TATDN1: variants seen among roughly 807,000 people sequenced by gnomAD.
TATDN1 encodes TatD DNase domain containing 1.
A neutral mutation model predicts 46.4 loss-of-function variants in TATDN1; 40 were observed. The ratio of observed to expected loss-of-function variants is 0.86; its 90% CI spans 0.67 to 1.12. The LOEUF is 1.12. TATDN1 is among the 50% of genes most tolerant of loss of function. The pLI is 0.00. For synonymous variants in TATDN1, 95 were observed against 105.6 expected, an observed-to-expected ratio of 0.90 and a Z score of 0.62; for missense variants, 326 against 348.4, an observed-to-expected ratio of 0.94 and a Z score of 0.51.
At chr8:124,529,271 A>G (rs1295252448) in intron 1 of TATDN1, among the ~76,000 whole-genome samples, 1 of 152,202 alleles carries the variant, frequency 6.6e-6, no homozygotes, top group East Asian at 1.9e-4. Flanking sequence ...TCCCGCAACA[A>G]TGTGACTAAT....
At chr8:124,510,464 A>T (rs1427216130) in intron 6 of TATDN1, among the ~76,000 whole-genome samples, 1 of 152,216 alleles carries the variant, frequency 6.6e-6, no homozygotes, top group Non-Finnish European at 1.5e-5. Flanking sequence ...ACAAATTCAC[A>T]GTATCTAATG....
At chr8:124,505,277 G>C (rs574228937) in intron 8 of TATDN1, among the ~76,000 whole-genome samples, 1 of 151,370 alleles carries the variant, frequency 6.6e-6, no homozygotes, top group Non-Finnish European at 1.5e-5. Flanking sequence ...CCAACTACTC[G>C]GGAGGCTGAG....
intron 1 of TATDN1, among the ~76,000 whole-genome samples, chr8:124,536,739 T>A (rs1339984821): frequency 6.6e-6 from 1 of 152,218 alleles, no homozygotes; most frequent in African/African-American, 2.4e-5. Context: ...GGATTTAATA[T>A]GATGTTTTTC....
intron 1 of TATDN1, among the ~76,000 whole-genome samples, chr8:124,533,713 G>A (rs1387768648): frequency 1.3e-5 from 2 of 152,074 alleles, no homozygotes; most frequent in Non-Finnish European, 2.9e-5. Flanking sequence ...TCATGTTTGG[G>A]AATCTTAGTT....
Position 124,515,727 on chromosome 8 carries a change from A to G in TATDN1, c.389+19T>C. 6.2e-7 allele frequency: 1 copy of G among 1,609,598 alleles called. No homozygotes were observed. Among genetic ancestry groups the G allele is most frequent in the South Asian group, 1.1e-5 (1 of 90,646 alleles). ...CTCATGATTTTACAATAATTTGTAA[A>G]GCCAACAAATTTCCTTACTTGAGTT... On this transcript the variant is annotated intron_variant, in intron 6 of 11. Coordinates refer to ENST00000276692, the MANE Select transcript of TATDN1 (RefSeq NM_032026.4).
intron 9 of TATDN1, among the ~76,000 whole-genome samples, chr8:124,500,691 A>C (rs959760776): frequency 5.9e-5 from 9 of 152,142 alleles, no homozygotes; most frequent in Middle Eastern, 3.4e-3. Flanking sequence ...CAAAAAAAAA[A>C]AACAACAACT....
intron 1 of TATDN1, among the ~76,000 whole-genome samples, chr8:124,530,755 A>C (rs1246710783): frequency 1.3e-5 from 2 of 152,190 alleles, no homozygotes; most frequent in African/African-American, 4.8e-5. Context: ...GCATGGAACA[A>C]ATTCTATTAG....
At chr8:124,489,825 T>C (rs1175831905) in intron 11 of TATDN1, 5 of 152,234 alleles carry the variant, frequency 3.3e-5, no homozygotes, top group Admixed American at 6.5e-5. Context: ...AAAGTCCAAA[T>C]TGAACATTTA....
intron 11 of TATDN1, among the ~76,000 whole-genome samples, chr8:124,492,612 A>G (rs568411173): frequency 6.6e-6 from 1 of 151,910 alleles, no homozygotes; most frequent in East Asian, 1.9e-4. Flanking sequence ...AAATTAACTG[A>G]GTGTGGTGGC....
chr8:124,506,573 A>T (rs1017677329), intron 8 of TATDN1, among the ~76,000 whole-genome samples: 9 of 152,210 alleles, frequency 5.9e-5, no homozygotes, highest in African/African-American at 2.2e-4. Flanking sequence ...AGTAATATTA[A>T]CATTACAGCA....
At chr8:124,502,819 C>G (rs1447795452) in intron 9 of TATDN1, among the ~76,000 whole-genome samples, 1 of 152,110 alleles carries the variant, frequency 6.6e-6, no homozygotes, top group Non-Finnish European at 1.5e-5. Flanking sequence ...AGCCTGGGCA[C>G]ATAGCAAGAC....
intron 6 of TATDN1, 58 bp from the exon 7 acceptor site, chr8:124,508,746 G>A: frequency 9.1e-7 from 1 of 1,103,160 alleles, no homozygotes; most frequent in Admixed American, 3.0e-5. Context: ...CATGAGGAAG[G>A]TAATGATGTC....
intron 1 of TATDN1, among the ~76,000 whole-genome samples, chr8:124,535,348 CAA>C (rs775082102): frequency 1.3e-5 from 2 of 152,182 alleles, no homozygotes; most frequent in African/African-American, 2.4e-5. Flanking sequence ...ACGTGGCCCT[CAA>C]AGTCTAAAAT....
At chr8:124,514,453 T>C (rs1018864850) in intron 6 of TATDN1, among the ~76,000 whole-genome samples, 7 of 152,326 alleles carry the variant, frequency 4.6e-5, no homozygotes, top group Middle Eastern at 3.4e-3. Context: ...TCTTTGTGTA[T>C]AAGAAACTAA....
At chr8:124,535,285 C>CACA (rs1379287185) in intron 1 of TATDN1, among the ~76,000 whole-genome samples, 1 of 152,212 alleles carries the variant, frequency 6.6e-6, no homozygotes, top group African/African-American at 2.4e-5. Context: ...CACGTATTTA[C>CACA]TATTACATCA....
chr8:124,512,848 G>A (rs1220423185), intron 6 of TATDN1, among the ~76,000 whole-genome samples: 1 of 152,188 alleles, frequency 6.6e-6, no homozygotes, highest in African/African-American at 2.4e-5. Flanking sequence ...AGGGGAAAAG[G>A]AGTGAGGGGC....
At chr8:124,534,188 C>T (rs1742299396) in intron 1 of TATDN1, among the ~76,000 whole-genome samples, 1 of 130,132 alleles carries the variant, frequency 7.7e-6, no homozygotes, top group African/African-American at 2.9e-5. Flanking sequence ...AAGAAATGCG[C>T]TAGAGCAAGG....
chr8:124,499,029 C>G (rs1369886716), intron 9 of TATDN1, among the ~76,000 whole-genome samples: 3 of 150,240 alleles, frequency 2.0e-5, no homozygotes, highest in Non-Finnish European at 4.4e-5. Flanking sequence ...ATAGCTCTAG[C>G]TACTGAGGAT....
chr8:124,511,839 T>A (rs1819047878), intron 6 of TATDN1, among the ~76,000 whole-genome samples: 1 of 152,158 alleles, frequency 6.6e-6, no homozygotes, highest in Admixed American at 6.5e-5. Flanking sequence ...TCTGCATGAC[T>A]CATGTCACTA....
Sources: gnomAD v4.1 joint callset for allele counts (sites outside exome capture counted in the v4.1 genomes callset) on GRCh38, gnomAD v4.1.1 for gene constraint, MANE v1.5 for transcripts, NCBI Gene and HGNC (gene_info 2026-07-23, HGNC 2026-07-21) for gene names.